The following CLIP4 variants were observed in gnomAD, a reference collection of about 807,000 sequenced individuals.
CLIP4 encodes the protein CAP-Gly domain-containing linker protein 4.
A neutral mutation model predicts 73.1 loss-of-function variants in CLIP4; 47 were observed. That is an observed-to-expected ratio of 0.64 (90% CI 0.51 to 0.82). The LOEUF (loss-of-function observed/expected upper bound fraction) is 0.82. Among genes scored for constraint, CLIP4 ranks in the 40% least tolerant of loss-of-function variants. CLIP4 has a pLI of 0.00. For synonymous variants in CLIP4, 306 were observed against 295.4 expected (o/e 1.04, Z -0.37); for missense variants, 874 against 852.9 (o/e 1.02, Z -0.31).
chr2:29,171,245 T>G (rs912391363), intron 14 of CLIP4, among the ~76,000 whole-genome samples: 1 of 152,208 alleles, frequency 6.6e-6, no homozygotes, highest in Non-Finnish European at 1.5e-5. Flanking sequence ...TATCTCTCCA[T>G]TTATTTATAT....
At chr2:29,153,551 G>A (rs201887011) in intron 9 of CLIP4, among the ~76,000 whole-genome samples, 3 of 151,666 alleles carry the variant, frequency 2.0e-5, no homozygotes, top group African/African-American at 7.3e-5. Flanking sequence ...TTTTGTCCTC[G>A]GATTGCTTTA....
chr2:29,140,791 A>T (rs1417264160), intron 6 of CLIP4, among the ~76,000 whole-genome samples: 1 of 152,138 alleles, frequency 6.6e-6, no homozygotes, highest in East Asian at 1.9e-4. Context: ...GTGAGATGGT[A>T]TCTCATTGTG....
intron 1 of CLIP4, chr2:29,118,180 G>T (rs1429467804): frequency 6.6e-6 from 1 of 152,178 alleles, no homozygotes; most frequent in African/African-American, 2.4e-5. Context: ...TCTCCTATTA[G>T]TTGAATAACT....
At chr2:29,166,023 C>G (rs1416970808) in intron 13 of CLIP4, among the ~76,000 whole-genome samples, 1 of 151,658 alleles carries the variant, frequency 6.6e-6, no homozygotes, top group Non-Finnish European at 1.5e-5. Flanking sequence ...TATCTCAATC[C>G]AGCTGTCTTC....
rs1242030724 is a variant in CLIP4, at chr2:29,133,818, C to T, written c.529+2C>T. Reference sequence around the variant, plus strand: ...TTTTGAAAACATCGAAACCAAAAGGCAAGTATTATAAGATCACCTTTAGAT... The same window carrying T: ...TTTTGAAAACATCGAAACCAAAAGGTAAGTATTATAAGATCACCTTTAGAT... On this transcript the variant is annotated splice_donor_variant, in intron 5 of 15. Coordinates refer to ENST00000320081, the MANE Select transcript of CLIP4 (RefSeq NM_024692.6). LOFTEE classifies it low-confidence loss of function (GC_TO_GT_DONOR). The T allele has an allele frequency of 1.3e-6, 2 of 1,599,212 alleles. No homozygotes were observed. The highest frequency in any genetic ancestry group is 2.2e-5 in the East Asian group (1 of 44,714).
intron 8 of CLIP4, among the ~76,000 whole-genome samples, chr2:29,151,973 A>G (rs1222343567): frequency 6.6e-6 from 1 of 152,080 alleles, no homozygotes; most frequent in Non-Finnish European, 1.5e-5. Flanking sequence ...TCCCCAAAGT[A>G]CACTGTATTG....
intron 1 of CLIP4, among the ~76,000 whole-genome samples, chr2:29,099,107 C>G (rs567523646): frequency 6.6e-6 from 1 of 152,274 alleles, no homozygotes; most frequent in African/African-American, 2.4e-5. Flanking sequence ...ACAGTCTTTA[C>G]CAGACATGTG....
intron 6 of CLIP4, among the ~76,000 whole-genome samples, chr2:29,140,422 T>A (rs1049969822): frequency 6.6e-6 from 1 of 152,158 alleles, no homozygotes; most frequent in African/African-American, 2.4e-5. Flanking sequence ...TCATTTTTTA[T>A]GGCTGCATAG....
chr2:29,172,458 G>C (rs1668073454), intron 14 of CLIP4, among the ~76,000 whole-genome samples: 1 of 152,070 alleles, frequency 6.6e-6, no homozygotes, highest in African/African-American at 2.4e-5. Context: ...TCGTTGTGCT[G>C]TTTTTGGCTT....
chr2:29,181,057 C>T (rs183680515), intron 15 of CLIP4, among the ~76,000 whole-genome samples: 125 of 152,196 alleles, frequency 8.2e-4, no homozygotes, highest in Non-Finnish European at 1.3e-3. Flanking sequence ...ACTTTGGACT[C>T]CCCCAAAACT....
In CLIP4 at chr2:29,143,867, T is replaced by G; in HGVS notation, c.807T>G (p.Tyr269Ter). The G allele has an allele frequency of 6.2e-7, 1 of 1,614,194 alleles. No individual in the cohort carries two copies. The highest frequency in any genetic ancestry group is 8.5e-7 in the Non-Finnish European group (1 of 1,180,018). Residue 269 changes from tyrosine to a stop codon, truncating the protein, a stop_gained, in exon 7 of 16, where the codon TAT becomes TAG. Coordinates refer to ENST00000320081, the MANE Select transcript of CLIP4 (RefSeq NM_024692.6). LOFTEE classifies it high-confidence loss of function. ...TCTCAAAGGCCATGCTCCCAAATTA[T>G]GATCATGTCACTGGCAAGGCAATGC... ...CNISKAMLPN[Y>*]DHVTGKAMLT...
intron 1 of CLIP4, among the ~76,000 whole-genome samples, chr2:29,110,166 GGT>G (rs1393312456): frequency 6.6e-6 from 1 of 152,208 alleles, no homozygotes; most frequent in Non-Finnish European, 1.5e-5. Flanking sequence ...AAGATATCCA[GGT>G]GATTCTAATG....
At chr2:29,176,724 G>T (rs924507162) in intron 15 of CLIP4, among the ~76,000 whole-genome samples, 1 of 152,178 alleles carries the variant, frequency 6.6e-6, no homozygotes, top group African/African-American at 2.4e-5. Context: ...TCCCGCCTGG[G>T]ATCTGTCTCC....
At chr2:29,175,169 C>T (rs950083390) in intron 15 of CLIP4, among the ~76,000 whole-genome samples, 9 of 152,090 alleles carry the variant, frequency 5.9e-5, no homozygotes, top group African/African-American at 2.2e-4. Context: ...AACTTGATGT[C>T]CCACTGTGGA....
chr2:29,101,353 G>A (rs1668044195), intron 1 of CLIP4, among the ~76,000 whole-genome samples: 1 of 149,354 alleles, frequency 6.7e-6, no homozygotes, highest in Admixed American at 6.7e-5. Flanking sequence ...ACAATCTTCA[G>A]TCTGTAGCTG....
At chr2:29,178,724 C>T (rs1668485325) in intron 15 of CLIP4, among the ~76,000 whole-genome samples, 1 of 152,148 alleles carries the variant, frequency 6.6e-6, no homozygotes, top group South Asian at 2.1e-4. Flanking sequence ...ATTGAACTCT[C>T]CTCTTCCTTA....
intron 1 of CLIP4, among the ~76,000 whole-genome samples, chr2:29,102,907 T>C (rs1668092685): frequency 6.6e-6 from 1 of 152,124 alleles, no homozygotes; most frequent in East Asian, 1.9e-4. Flanking sequence ...TGTGAGCCAC[T>C]GCGCCCAGTA....
At chr2:29,174,665 T>C in intron 15 of CLIP4, 1 of 1,252,830 alleles carries the variant, frequency 8.0e-7, no homozygotes, top group Non-Finnish European at 1.0e-6. Context: ...ACTGCATATA[T>C]TTTATCTTCA....
At chr2:29,119,585 T>TA (rs1252570291) in intron 1 of CLIP4, among the ~76,000 whole-genome samples, 2 of 152,148 alleles carry the variant, frequency 1.3e-5, no homozygotes, top group Non-Finnish European at 2.9e-5. Flanking sequence ...TTACTCTCTT[T>TA]AAAAAAATCA....
Sources: allele counts gnomAD v4.1 joint callset (sites outside exome capture counted in the v4.1 genomes callset), GRCh38; gene constraint gnomAD v4.1.1; transcripts MANE v1.5; gene names NCBI Gene and HGNC (gene_info 2026-07-23, HGNC 2026-07-21).